SGCD: variants seen among roughly 807,000 people sequenced by gnomAD.
SGCD encodes delta-sarcoglycan.
Under a neutral mutation model 36.6 loss-of-function variants are expected in SGCD, and 18 were observed. The ratio of observed to expected loss-of-function variants is 0.49; its 90% CI spans 0.34 to 0.73. The LOEUF (loss-of-function observed/expected upper bound fraction) is 0.73. Among genes scored for constraint, SGCD ranks in the 30% least tolerant of loss-of-function variants. The pLI is 0.01. For missense variants in SGCD, 387 were observed against 346.7 expected (o/e 1.12, Z -0.92); for synonymous variants, 133 against 130.6 (o/e 1.02, Z -0.12).
intron 1 of SGCD, among the ~76,000 whole-genome samples, chr5:156,073,847 G>C (rs1449075833): frequency 6.6e-6 from 1 of 152,214 alleles, no homozygotes; most frequent in South Asian, 2.1e-4. Flanking sequence ...CATATGTTCA[G>C]TTGAAAGAGT....
At chr5:155,742,839 A>G in the SGCD span, among the ~76,000 whole-genome samples, 4 of 152,222 alleles carry the variant, frequency 2.6e-5, no homozygotes, top group African/African-American at 7.2e-5. Context: ...CCAACCAGCT[A>G]TAGATTGGGT....
At chr5:156,219,147 G>C (rs1764654830) in intron 3 of SGCD, among the ~76,000 whole-genome samples, 1 of 152,164 alleles carries the variant, frequency 6.6e-6, no homozygotes, top group Admixed American at 6.5e-5. Flanking sequence ...AAATGACCTA[G>C]CTAGATTCTT....
At chr5:156,509,205 C>T (rs1756832506) in intron 4 of SGCD, among the ~76,000 whole-genome samples, 1 of 152,100 alleles carries the variant, frequency 6.6e-6, no homozygotes, top group South Asian at 2.1e-4. Context: ...GTGGGCAGAT[C>T]ACCTGAAGTA....
At chr5:156,324,501 C>T (rs1023281403), upstream of SGCD, among the ~76,000 whole-genome samples, 2 of 151,872 alleles carry the variant, frequency 1.3e-5, no homozygotes, top group African/African-American at 4.8e-5. Context: ...CATTTCTTAA[C>T]ATTAGAAGAA....
At chr5:155,884,458 A>G (rs1755961676) in intron 1 of SGCD, among the ~76,000 whole-genome samples, 2 of 152,172 alleles carry the variant, frequency 1.3e-5, no homozygotes, top group Non-Finnish European at 1.5e-5. Context: ...TATTATAGAA[A>G]CAGTATTGTA....
At chr5:155,895,157 T>G (rs906341998) in intron 1 of SGCD, among the ~76,000 whole-genome samples, 14 of 152,202 alleles carry the variant, frequency 9.2e-5, no homozygotes, top group Admixed American at 8.5e-4. Context: ...AAATAGTCAG[T>G]CTTCCTATCC....
chr5:156,742,990 G>A (rs985252743), intron 7 of SGCD, among the ~76,000 whole-genome samples: 7 of 151,938 alleles, frequency 4.6e-5, no homozygotes, highest in Non-Finnish European at 5.9e-5. Flanking sequence ...GGGTACCTGT[G>A]GTTTAGTCAA....
chr5:156,142,662 G>T (rs1228469832), intron 3 of SGCD, among the ~76,000 whole-genome samples: 1 of 152,150 alleles, frequency 6.6e-6, no homozygotes, highest in Non-Finnish European at 1.5e-5. Context: ...TTGTGCCCTT[G>T]TCCTTGGGAT....
chr5:155,857,542 G>A, the SGCD span, among the ~76,000 whole-genome samples: 1 of 152,102 alleles, frequency 6.6e-6, no homozygotes, highest in African/African-American at 2.4e-5. Flanking sequence ...AAAATAAAAA[G>A]TATATATTTG....
At chr5:156,081,698 T>C (rs972122361) in intron 1 of SGCD, among the ~76,000 whole-genome samples, 3 of 152,148 alleles carry the variant, frequency 2.0e-5, no homozygotes, top group Non-Finnish European at 2.9e-5. Flanking sequence ...CCAACCATGT[T>C]CCCTTTTTAT....
At chr5:156,254,778 T>G (rs1002563960) in intron 3 of SGCD, among the ~76,000 whole-genome samples, 1 of 152,228 alleles carries the variant, frequency 6.6e-6, no homozygotes, top group Non-Finnish European at 1.5e-5. Flanking sequence ...GCCCAGAGGT[T>G]TGAGGTTGTG....
intron 3 of SGCD, among the ~76,000 whole-genome samples, chr5:156,144,694 T>TC (rs1390429472): frequency 6.6e-6 from 1 of 152,254 alleles, no homozygotes; most frequent in Non-Finnish European, 1.5e-5. Flanking sequence ...GGTTGCCTGT[T>TC]CACTCTGATG....
At chr5:156,565,594 C>A (rs576368649) in intron 4 of SGCD, among the ~76,000 whole-genome samples, 1 of 152,168 alleles carries the variant, frequency 6.6e-6, no homozygotes, top group African/African-American at 2.4e-5. Flanking sequence ...ATGTACAGAA[C>A]GTGCAGGTTT....
intron 4 of SGCD, among the ~76,000 whole-genome samples, chr5:156,542,160 T>C (rs1758372294): frequency 6.6e-6 from 1 of 152,124 alleles, no homozygotes; most frequent in African/African-American, 2.4e-5. Context: ...AGATAAGTTA[T>C]TGAAACAGTG....
At position 156,767,185 on chromosome 5, in the gene SGCD, G is replaced by C. The variant is rs941815830; in HGVS notation, c.*7795G>C. The C allele has an allele frequency of 6.6e-6, 1 of 152,186 alleles. No individual in the cohort carries two copies. Among genetic ancestry groups the C allele is most frequent in the Non-Finnish European group, 1.5e-5 (1 of 68,038 alleles). The allele number at this position is 152,186 out of a possible 1,614,324, so 9.4% of individuals were successfully genotyped here. ...TCTCTGGAAGAGATGCAAGATTCTA[G>C]AAAAGTAAAGGGAAGTGTCGGCACA... On this transcript the variant is annotated 3_prime_UTR_variant, in exon 9 of 9. Coordinates refer to ENST00000337851, the MANE Select transcript of SGCD (RefSeq NM_000337.6).
intron 1 of SGCD, among the ~76,000 whole-genome samples, chr5:156,072,010 G>C (rs771133605): frequency 6.6e-6 from 1 of 151,824 alleles, no homozygotes; most frequent in Non-Finnish European, 1.5e-5. Flanking sequence ...CTTTTATTTT[G>C]TGCCTATGTG....
chr5:156,018,894 AT>A (rs1380349587), intron 1 of SGCD, among the ~76,000 whole-genome samples: 2 of 152,146 alleles, frequency 1.3e-5, no homozygotes, highest in Non-Finnish European at 2.9e-5. Flanking sequence ...ACACTGCATA[AT>A]TTTTCCCGGA....
At chr5:156,022,589 C>A (rs564371365) in intron 1 of SGCD, among the ~76,000 whole-genome samples, 1 of 152,114 alleles carries the variant, frequency 6.6e-6, no homozygotes, top group Admixed American at 6.5e-5. Flanking sequence ...TAGATTTGTT[C>A]TACTTTCCCA....
At chr5:155,870,191 G>A (rs1281431064), upstream of SGCD, among the ~76,000 whole-genome samples, 1 of 152,236 alleles carries the variant, frequency 6.6e-6, no homozygotes, top group African/African-American at 2.4e-5. Flanking sequence ...CCTAATTGCT[G>A]CAGTGTGATC....
Sources: allele counts gnomAD v4.1 joint callset (sites outside exome capture counted in the v4.1 genomes callset), GRCh38; gene constraint gnomAD v4.1.1; transcripts MANE v1.5; gene names NCBI Gene and HGNC (gene_info 2026-07-23, HGNC 2026-07-21).